CSMD1: variants seen among roughly 807,000 people sequenced by gnomAD.
CSMD1 encodes CUB and Sushi multiple domains 1.
In CSMD1, 213 loss-of-function variants were observed where a neutral mutation model predicts 417.5. The ratio of observed to expected loss-of-function variants is 0.51; its 90% CI spans 0.46 to 0.57. The LOEUF (loss-of-function observed/expected upper bound fraction) is 0.57. Among genes scored for constraint, CSMD1 ranks in the 20% least tolerant of loss-of-function variants. The pLI, the probability that CSMD1 is intolerant of heterozygous loss-of-function variation, is 0.00. For missense variants in CSMD1, 6,923 were observed against 4,529.7 expected (o/e 1.53, Z -15.17); for synonymous variants, 2,862 against 1,736.8 (o/e 1.65, Z -16.11).
chr8:3,800,828 A>G (rs1279276448), intron 5 of CSMD1, among the ~76,000 whole-genome samples: 2 of 152,046 alleles, frequency 1.3e-5, no homozygotes, highest in Non-Finnish European at 2.9e-5. Context: ...GACCTTCTTC[A>G]TCATGTTTTG....
chr8:3,114,235 C>A (rs1400066983), intron 42 of CSMD1, among the ~76,000 whole-genome samples: 3 of 152,048 alleles, frequency 2.0e-5, no homozygotes, highest in African/African-American at 7.2e-5. Context: ...CAGCCTGAGA[C>A]TCCATCTCAA....
intron 1 of CSMD1, among the ~76,000 whole-genome samples, chr8:4,753,650 T>C (rs1020928997): frequency 3.5e-4 from 54 of 152,196 alleles, no homozygotes; most frequent in African/African-American, 1.2e-3. Flanking sequence ...CATGACCTTT[T>C]GATGCTGCCT....
At chr8:4,806,079 C>G (rs1024706063) in intron 1 of CSMD1, among the ~76,000 whole-genome samples, 1 of 152,026 alleles carries the variant, frequency 6.6e-6, no homozygotes, top group African/African-American at 2.4e-5. Flanking sequence ...ATTTACAGAC[C>G]CACAATCTCT....
intron 1 of CSMD1, among the ~76,000 whole-genome samples, chr8:4,701,746 G>T (rs1406769913): frequency 2.0e-5 from 3 of 147,020 alleles, no homozygotes; most frequent in Non-Finnish European, 3.0e-5. Context: ...ACACTTTTAA[G>T]TGTTACTTTC....
At chr8:4,991,985 G>A (rs1811491450) in intron 1 of CSMD1, among the ~76,000 whole-genome samples, 2 of 152,132 alleles carry the variant, frequency 1.3e-5, no homozygotes, top group Non-Finnish European at 2.9e-5. Flanking sequence ...GACCCCCTCC[G>A]CGCGCACACA....
chr8:4,377,689 A>C (rs1802842948), intron 3 of CSMD1, among the ~76,000 whole-genome samples: 1 of 152,232 alleles, frequency 6.6e-6, no homozygotes, highest in South Asian at 2.1e-4. Context: ...AAGCTTTTAA[A>C]AATTTCATCT....
intron 11 of CSMD1, among the ~76,000 whole-genome samples, chr8:3,478,293 T>C (rs1031724811): frequency 6.6e-6 from 1 of 152,236 alleles, no homozygotes; most frequent in Admixed American, 6.5e-5. Flanking sequence ...TCCAAACCTC[T>C]TGATCTTGCA....
chr8:4,429,265 C>T (rs1412575382), intron 2 of CSMD1, among the ~76,000 whole-genome samples: 1 of 151,988 alleles, frequency 6.6e-6, no homozygotes, highest in Non-Finnish European at 1.5e-5. Context: ...ACAGTCCTAT[C>T]ACTTCTTGTT....
At chr8:4,355,453 G>A (rs1198458275) in intron 3 of CSMD1, among the ~76,000 whole-genome samples, 2 of 152,096 alleles carry the variant, frequency 1.3e-5, no homozygotes, top group Non-Finnish European at 2.9e-5. Flanking sequence ...ATGTAGGAAA[G>A]CATAAATAGC....
intron 26 of CSMD1, among the ~76,000 whole-genome samples, chr8:3,267,482 G>T (rs1489982481): frequency 6.6e-6 from 1 of 152,200 alleles, no homozygotes; most frequent in Non-Finnish European, 1.5e-5. Context: ...CAAGCTGCCA[G>T]GCGTGAGGTT....
intron 3 of CSMD1, among the ~76,000 whole-genome samples, chr8:4,106,303 G>A (rs1410378133): frequency 1.3e-5 from 2 of 152,266 alleles, no homozygotes; most frequent in South Asian, 2.1e-4. Flanking sequence ...ATACGTTAGA[G>A]CTTACCTCAA....
chr8:4,921,933 C>G (rs1228418670), intron 1 of CSMD1, among the ~76,000 whole-genome samples: 3 of 152,170 alleles, frequency 2.0e-5, no homozygotes, highest in African/African-American at 7.2e-5. Context: ...TCTGAACGTA[C>G]CCTCACATCT....
intron 10 of CSMD1, among the ~76,000 whole-genome samples, chr8:3,556,633 G>T (rs7825970): frequency 0.61 from 92,051 of 150,732 alleles, 29,195 homozygotes; most frequent in African/African-American, 0.79. Context: ...TTGTCGTGGG[G>T]GCTGCCTGTG....
chr8:2,957,504 C>T (rs1350145288), intron 63 of CSMD1, among the ~76,000 whole-genome samples, 192 bp downstream of exon 63: 2 of 152,182 alleles, frequency 1.3e-5, no homozygotes, highest in African/African-American at 2.4e-5. Context: ...GGCTTGAGAG[C>T]AGCCTTCACA....
At chr8:3,071,503 G>C (rs938143310) in intron 49 of CSMD1, among the ~76,000 whole-genome samples, 1 of 151,850 alleles carries the variant, frequency 6.6e-6, no homozygotes, top group South Asian at 2.1e-4. Context: ...ATGTATCCCA[G>C]AACTTAAAAT....
rs114321158 is a variant in CSMD1 at position 4,860,725 on chromosome 8, A to G, written c.85+133607T>C. ...GGAATAAAGACAAATACATTTATGT[A>G]ACATACAGTGCTCTTCGTATGGGCA... On this transcript the variant is annotated intron_variant, in intron 1 of 69. Transcript: ENST00000635120. Among the ~76,000 whole-genome samples the G allele has an allele frequency of 6.4e-3, 976 of 152,288 alleles. 18 individuals are homozygous for G. The highest frequency in any genetic ancestry group is 0.023 in the African/African-American group (942 of 41,514).
chr8:4,521,080 T>G (rs1191893396), intron 2 of CSMD1, among the ~76,000 whole-genome samples: 2 of 152,200 alleles, frequency 1.3e-5, no homozygotes, highest in African/African-American at 2.4e-5. Context: ...AAAGAGTTCC[T>G]CTTCTAAAAT....
In CSMD1 at chr8:4,429,439, G is replaced by C. The variant is rs931483431; in HGVS notation, c.303-9374C>G. Among the ~76,000 whole-genome samples, 14 of 152,178 alleles carry C rather than the reference G, an allele frequency of 9.2e-5. No homozygotes were observed. The East Asian group carries it at 2.3e-3, about 25-fold the overall frequency. On this transcript the variant is annotated intron_variant, in intron 2 of 69. Coordinates refer to ENST00000635120, the MANE Select transcript of CSMD1 (RefSeq NM_033225.6). Reference sequence around the variant, plus strand: ...ATCCTCCTTTCACACAATGTTTTGTGAACAGTGGCTCAGTTTGGTTCTTTG... The same window carrying C: ...ATCCTCCTTTCACACAATGTTTTGTCAACAGTGGCTCAGTTTGGTTCTTTG...
intron 2 of CSMD1, among the ~76,000 whole-genome samples, chr8:4,537,170 A>G (rs910677708): frequency 5.3e-5 from 8 of 152,326 alleles, no homozygotes; most frequent in African/African-American, 1.9e-4. Flanking sequence ...CTTTTCTGTC[A>G]TGAGACTACT....
Sources: allele counts gnomAD v4.1 joint callset (sites outside exome capture counted in the v4.1 genomes callset), GRCh38; gene constraint gnomAD v4.1.1; transcripts MANE v1.5; gene names NCBI Gene and HGNC (gene_info 2026-07-23, HGNC 2026-07-21).